The following GRM5 variants were observed in gnomAD, a reference collection of about 807,000 sequenced individuals.
The protein encoded by GRM5 is glutamate metabotropic receptor 5, also known as metabotropic glutamate receptor 5.
A neutral mutation model predicts 83.1 loss-of-function variants in GRM5; 19 were observed. The ratio of observed to expected loss-of-function variants is 0.23; its 90% CI spans 0.16 to 0.34. The LOEUF (loss-of-function observed/expected upper bound fraction) is 0.34. Among genes scored for constraint, GRM5 ranks in the 10% least tolerant of loss-of-function variants. The pLI is 1.00. For missense variants in GRM5, 1,160 were observed against 1,588.3 expected, an observed-to-expected ratio of 0.73 and a Z score of 4.58; for synonymous variants, 675 against 633.6, an observed-to-expected ratio of 1.07 and a Z score of -0.98.
chr11:88,732,000 C>T (rs1000846663), intron 3 of GRM5, among the ~76,000 whole-genome samples: 1 of 151,966 alleles, frequency 6.6e-6, no homozygotes, highest in Non-Finnish European at 1.5e-5. Flanking sequence ...TGTCCAGAGT[C>T]TCTTGGATTA....
chr11:88,792,012 A>G (rs548285229), intron 3 of GRM5, among the ~76,000 whole-genome samples: 2 of 152,264 alleles, frequency 1.3e-5, no homozygotes, highest in South Asian at 4.1e-4. Flanking sequence ...AGGTAGTAGA[A>G]CATGTTTTGA....
chr11:88,842,640 T>C (rs1006585295), intron 3 of GRM5, among the ~76,000 whole-genome samples: 1 of 152,200 alleles, frequency 6.6e-6, no homozygotes. Context: ...ACACTCTTGG[T>C]TTCCCATCAA....
Position 89,038,418 on chromosome 11 carries a change from C to T in GRM5, c.661+8794G>A, listed in dbSNP as rs1941446549. ...AGGCTACATTATTTAACAATATATC[C>T]TCCAGCTCTTAAAAAATTCTGTACC... On this transcript the variant is annotated intron_variant, in intron 2 of 9. Transcript: ENST00000305447. Among the ~76,000 whole-genome samples, 3 of 152,048 alleles carry T rather than the reference C, an allele frequency of 2.0e-5. No individual in the cohort carries two copies. The South Asian group carries it at 6.2e-4, about 32-fold the overall frequency.
intron 3 of GRM5, among the ~76,000 whole-genome samples, chr11:88,655,546 ATTGAAT>A (rs1400960021): frequency 6.6e-6 from 1 of 152,100 alleles, no homozygotes; most frequent in Non-Finnish European, 1.5e-5. Flanking sequence ...CAGTTCATTC[ATTGAAT>A]TTAACAGGGA....
chr11:88,697,516 A>G (rs1940931233), intron 3 of GRM5, among the ~76,000 whole-genome samples: 1 of 152,178 alleles, frequency 6.6e-6, no homozygotes, highest in South Asian at 2.1e-4. Flanking sequence ...TTATCTTCCA[A>G]GTTTGTTTAC....
chr11:88,950,274 C>T (rs1039744369), intron 2 of GRM5, among the ~76,000 whole-genome samples: 5 of 151,490 alleles, frequency 3.3e-5, no homozygotes, highest in African/African-American at 9.7e-5. Context: ...ATGTTCTATG[C>T]TGTACTGTTA....
intron 3 of GRM5, among the ~76,000 whole-genome samples, chr11:88,723,147 C>CA (rs1941586553): frequency 6.8e-6 from 1 of 148,014 alleles, no homozygotes; most frequent in African/African-American, 2.5e-5. Context: ...TTCAGATTGG[C>CA]TTTTTTTTTT....
intron 3 of GRM5, among the ~76,000 whole-genome samples, chr11:88,837,107 T>C (rs1944107230): frequency 6.6e-6 from 1 of 152,182 alleles, no homozygotes; most frequent in African/African-American, 2.4e-5. Flanking sequence ...TTAATCTTAT[T>C]TTTTTTAAAA....
At chr11:88,625,360 A>G (rs1938763864) in intron 4 of GRM5, among the ~76,000 whole-genome samples, 3 of 152,162 alleles carry the variant, frequency 2.0e-5, no homozygotes, top group Non-Finnish European at 4.4e-5. Flanking sequence ...TTGAATCCAT[A>G]GTACCTCTGC....
intron 2 of GRM5, among the ~76,000 whole-genome samples, chr11:88,943,819 G>A (rs535513027): frequency 2.0e-5 from 3 of 151,996 alleles, no homozygotes; most frequent in East Asian, 1.9e-4. Context: ...GCAATGTAGA[G>A]GTCCATATAT....
At chr11:88,538,520 G>T (rs765117724) in intron 8 of GRM5, among the ~76,000 whole-genome samples, 3 of 152,180 alleles carry the variant, frequency 2.0e-5, no homozygotes, top group Non-Finnish European at 2.9e-5. Flanking sequence ...AAAGTTGCTA[G>T]TTTCTATCTT....
chr11:89,047,917 A>T lies in GRM5; in HGVS notation c.-45T>A. 1.3e-6 allele frequency: 2 copies of T among 1,485,672 alleles called. No homozygotes were observed. Among genetic ancestry groups the T allele is most frequent in the Non-Finnish European group, 1.9e-6 (2 of 1,070,850 alleles). 92.0% of individuals were successfully genotyped at this position (1,485,672 alleles called of 1,614,324 possible). A position where few individuals can be genotyped will look rare whatever the true frequency, so the allele number is the denominator to read the frequency against. Reference sequence around the variant, plus strand: ...CCAATAAAGATAGCATGGTGGGGAAAATTCAGGAGGGTTCTGATAGCTACG... The same window carrying T: ...CCAATAAAGATAGCATGGTGGGGAATATTCAGGAGGGTTCTGATAGCTACG... On this transcript the variant is annotated 5_prime_UTR_variant, in exon 2 of 10. Transcript: ENST00000305447. This position sits in a 1 kb window ranked among gnomAD's most constrained non-coding sequence, Gnocchi z 5.1.
At chr11:88,659,517 G>A (rs1223387375) in intron 3 of GRM5, among the ~76,000 whole-genome samples, 2 of 152,088 alleles carry the variant, frequency 1.3e-5, no homozygotes, top group African/African-American at 4.8e-5. Context: ...GAGAAAAATG[G>A]TAATTATACA....
At chr11:89,051,633 C>T (rs529942362) in intron 1 of GRM5, among the ~76,000 whole-genome samples, 1 of 152,172 alleles carries the variant, frequency 6.6e-6, no homozygotes, top group African/African-American at 2.4e-5. Context: ...TCGCTTGAAC[C>T]TGGGAGGAGG....
intron 2 of GRM5, among the ~76,000 whole-genome samples, chr11:88,873,561 C>A (rs1452515118): frequency 6.6e-6 from 1 of 151,530 alleles, no homozygotes; most frequent in Admixed American, 6.6e-5. Context: ...CATGAAGAAC[C>A]TTGGGAAATG....
At chr11:88,961,989 TTA>T (rs1938798291) in intron 2 of GRM5, among the ~76,000 whole-genome samples, 2 of 152,188 alleles carry the variant, frequency 1.3e-5, no homozygotes, top group African/African-American at 2.4e-5. Context: ...ATGTCTTATT[TTA>T]TCCCCACAAA....
chr11:88,761,659 A>G (rs574196591), intron 3 of GRM5, among the ~76,000 whole-genome samples: 109 of 152,226 alleles, frequency 7.2e-4, no homozygotes, highest in South Asian at 1.7e-3. Context: ...TGCTATTCCT[A>G]TCAAACTATC....
chr11:88,603,946 TA>T (rs934137644), intron 5 of GRM5, among the ~76,000 whole-genome samples: 1 of 152,178 alleles, frequency 6.6e-6, no homozygotes, highest in Non-Finnish European at 1.5e-5. Context: ...ATTGTTTTGA[TA>T]CAAGGCTGAG....
intron 3 of GRM5, among the ~76,000 whole-genome samples, chr11:88,760,117 G>A (rs1331514701): frequency 6.6e-6 from 1 of 152,032 alleles, no homozygotes; most frequent in Non-Finnish European, 1.5e-5. Flanking sequence ...ACATCAAAAA[G>A]TTAGAAAGAT....
Sources: gnomAD v4.1 joint callset for allele counts (sites outside exome capture counted in the v4.1 genomes callset) on GRCh38, gnomAD v4.1.1 for gene constraint, Gnocchi (gnomAD v3.1) non-coding constraint, MANE v1.5 for transcripts, NCBI Gene and HGNC (gene_info 2026-07-23, HGNC 2026-07-21) for gene names.